KCNIP4: variants seen among roughly 807,000 people sequenced by gnomAD.
KCNIP4 encodes Kv channel-interacting protein 4.
A neutral mutation model predicts 34.0 loss-of-function variants in KCNIP4; 12 were observed. That is an observed-to-expected ratio of 0.35 (90% confidence interval 0.23 to 0.57). The LOEUF (loss-of-function observed/expected upper bound fraction) is 0.57, where lower values mean the gene tolerates loss of function less well. Ranked by LOEUF, KCNIP4 falls within the 20% of genes least tolerant of loss-of-function variation. The pLI, the probability that KCNIP4 is intolerant of heterozygous loss-of-function variation, is 0.83. For missense variants in KCNIP4, 238 were observed against 311.7 expected, an observed-to-expected ratio of 0.76 and a Z score of 1.78; for synonymous variants, 124 against 102.2, an observed-to-expected ratio of 1.21 and a Z score of -1.29.
chr4:21,110,970 G>C (rs981383181), intron 1 of KCNIP4, among the ~76,000 whole-genome samples: 4 of 152,094 alleles, frequency 2.6e-5, no homozygotes, highest in African/African-American at 9.7e-5. Flanking sequence ...TAGGCTTCTT[G>C]GTTGTTAAAG....
chr4:21,109,114 C>A (rs1201041624), intron 1 of KCNIP4, among the ~76,000 whole-genome samples: 2 of 150,968 alleles, frequency 1.3e-5, no homozygotes, highest in South Asian at 2.1e-4. Context: ...CTGGGAGAAC[C>A]ACTGCTCTCT....
At chr4:21,848,456 CA>C (rs1724160353) in intron 1 of KCNIP4, 1 of 152,070 alleles carries the variant, frequency 6.6e-6, no homozygotes, top group African/African-American at 2.4e-5. Flanking sequence ...GACACATTAA[CA>C]CCTTTCTCAT....
At chr4:21,599,955 G>T (rs1742966620) in intron 1 of KCNIP4, among the ~76,000 whole-genome samples, 1 of 151,998 alleles carries the variant, frequency 6.6e-6, no homozygotes, top group Admixed American at 6.6e-5. Flanking sequence ...ACTAGATCTG[G>T]GTAGGATTCA....
At chr4:21,086,550 A>C (rs1746448899) in intron 1 of KCNIP4, among the ~76,000 whole-genome samples, 1 of 152,206 alleles carries the variant, frequency 6.6e-6, no homozygotes. Context: ...TTTTCTCATG[A>C]AGTATAATTT....
intron 1 of KCNIP4, among the ~76,000 whole-genome samples, chr4:21,784,278 A>G (rs1026509220): frequency 1.3e-5 from 2 of 152,190 alleles, no homozygotes; most frequent in East Asian, 1.9e-4. Context: ...GAGCCAAACC[A>G]TATCAATATA....
At chr4:21,130,266 G>C (rs1750961190) in intron 1 of KCNIP4, among the ~76,000 whole-genome samples, 1 of 152,158 alleles carries the variant, frequency 6.6e-6, no homozygotes, top group Non-Finnish European at 1.5e-5. Context: ...TCAGTTGCTT[G>C]AGGTATCATT....
intron 1 of KCNIP4, among the ~76,000 whole-genome samples, chr4:20,962,706 T>C (rs1020345826): frequency 1.3e-5 from 2 of 152,184 alleles, no homozygotes; most frequent in African/African-American, 2.4e-5. Flanking sequence ...AACATAAAAA[T>C]GCACACCATC....
At chr4:21,697,686 GTTC>G (rs1398472407) in intron 1 of KCNIP4, 6 of 1,251,862 alleles carry the variant, frequency 4.8e-6, no homozygotes, top group African/African-American at 1.6e-5. Flanking sequence ...TGGTGACCAA[GTTC>G]TTCTGTGGCA....
intron 1 of KCNIP4, among the ~76,000 whole-genome samples, chr4:20,995,318 A>G (rs1267136630): frequency 6.6e-6 from 1 of 152,192 alleles, no homozygotes; most frequent in Non-Finnish European, 1.5e-5. Context: ...TAATAAAAGC[A>G]TCTATCTCAC....
chr4:21,641,376 C>A (rs1480301807), intron 1 of KCNIP4, among the ~76,000 whole-genome samples: 2 of 152,318 alleles, frequency 1.3e-5, no homozygotes, highest in African/African-American at 4.8e-5. Context: ...CCTTTTCTAG[C>A]ACATACCTGA....
At chr4:21,809,008 C>T (rs1191840485) in intron 1 of KCNIP4, among the ~76,000 whole-genome samples, 8 of 152,142 alleles carry the variant, frequency 5.3e-5, no homozygotes, top group Non-Finnish European at 1.2e-4. Flanking sequence ...TGATAAATTG[C>T]TCTGGATTTG....
intron 1 of KCNIP4, among the ~76,000 whole-genome samples, chr4:21,832,297 T>G (rs2109306704): frequency 6.6e-6 from 1 of 152,288 alleles, no homozygotes; most frequent in South Asian, 2.1e-4. Context: ...AGCTGAGAGC[T>G]TATCCTTTAG....
chr4:21,616,782 A>G (rs1744637495), intron 1 of KCNIP4, among the ~76,000 whole-genome samples: 1 of 152,138 alleles, frequency 6.6e-6, no homozygotes, highest in African/African-American at 2.4e-5. Flanking sequence ...CACGAGTCAT[A>G]CTGAATTAAC....
intron 1 of KCNIP4, among the ~76,000 whole-genome samples, chr4:21,117,819 G>A (rs6819851): frequency 1.7e-4 from 26 of 152,000 alleles, no homozygotes; most frequent in Admixed American, 1.2e-3. Flanking sequence ...GAGCCTCAGC[G>A]CTACAGGCAA....
intron 1 of KCNIP4, among the ~76,000 whole-genome samples, chr4:21,103,408 T>C (rs993404337): frequency 6.8e-6 from 1 of 147,542 alleles, no homozygotes; most frequent in Non-Finnish European, 1.5e-5. Flanking sequence ...AATATCTAAA[T>C]AGACTGGTTG....
chr4:21,511,272 A>G (rs910917522), intron 1 of KCNIP4, among the ~76,000 whole-genome samples: 1 of 152,158 alleles, frequency 6.6e-6, no homozygotes, highest in Non-Finnish European at 1.5e-5. Context: ...TTTTTAGGAT[A>G]TAGCTATCAC....
chr4:21,571,613 G>T (rs1025550543), intron 1 of KCNIP4, among the ~76,000 whole-genome samples: 3 of 152,276 alleles, frequency 2.0e-5, no homozygotes, highest in Non-Finnish European at 2.9e-5. Flanking sequence ...CAGTTTCACT[G>T]CAGAAAGCAG....
intron 1 of KCNIP4, among the ~76,000 whole-genome samples, chr4:21,623,282 C>T (rs890212363): frequency 2.6e-5 from 4 of 152,162 alleles, no homozygotes; most frequent in Non-Finnish European, 2.9e-5. Flanking sequence ...AATTTACCAG[C>T]TAGTGACTGG....
chr4:21,684,039 T>C (rs1750620526), intron 1 of KCNIP4, among the ~76,000 whole-genome samples: 1 of 152,070 alleles, frequency 6.6e-6, no homozygotes, highest in South Asian at 2.1e-4. Context: ...AGGTTTACTA[T>C]CTGGCTGCTG....
Sources: allele counts gnomAD v4.1 joint callset (sites outside exome capture counted in the v4.1 genomes callset), GRCh38; gene constraint gnomAD v4.1.1; transcripts MANE v1.5; gene names NCBI Gene and HGNC (gene_info 2026-07-23, HGNC 2026-07-21).